SEC63: variants seen among roughly 807,000 people sequenced by gnomAD.
The protein encoded by SEC63 is SEC63 protein translocation regulator.
In SEC63, 56 loss-of-function variants were observed where a neutral mutation model predicts 116.2. The ratio of observed to expected loss-of-function variants is 0.48; its 90% CI spans 0.39 to 0.60. The LOEUF is 0.60. Ranked by LOEUF, SEC63 falls within the 20% of genes least tolerant of loss-of-function variation. The pLI, the probability that SEC63 is intolerant of heterozygous loss-of-function variation, is 0.00. For missense variants in SEC63, 668 were observed against 900.0 expected (o/e 0.74, Z 3.30); for synonymous variants, 273 against 294.6 (o/e 0.93, Z 0.75).
rs564345015 is a variant in SEC63, at chr6:107,891,538, C to T, written c.1674+1944G>A. Among the ~76,000 whole-genome samples the T allele has an allele frequency of 1.1e-3, 173 of 152,094 alleles. 1 individual carries two copies. Among genetic ancestry groups the T allele is most frequent in the Non-Finnish European group, 2.1e-3 (144 of 67,982 alleles). ...TTTAGCTTGGAGGAGTTTGTTATTA[C>T]CCACCTTCTGAAACCTGCTTCTGTC... On this transcript the variant is annotated intron_variant, in intron 16 of 20. Transcript: ENST00000369002.
intron 14 of SEC63, among the ~76,000 whole-genome samples, chr6:107,896,975 C>G (rs1417442068): frequency 6.9e-6 from 1 of 144,664 alleles, no homozygotes; most frequent in South Asian, 2.2e-4. Flanking sequence ...GGTGAAACTC[C>G]GTCAAAAAAG....
chr6:107,878,923 G>C (rs1203195670), intron 18 of SEC63, among the ~76,000 whole-genome samples: 1 of 138,420 alleles, frequency 7.2e-6, no homozygotes, highest in Admixed American at 7.5e-5. Context: ...CCTGTGCCTA[G>C]TGATGCACAT....
chr6:107,881,114 G>T, intron 18 of SEC63, 35 bp downstream of exon 18: 2 of 1,402,380 alleles, frequency 1.4e-6, no homozygotes, highest in Non-Finnish European at 2.0e-6. Flanking sequence ...GAAAGTGAAT[G>T]GAATAAGGAA....
intron 16 of SEC63, among the ~76,000 whole-genome samples, chr6:107,884,209 G>T (rs2114409081): frequency 6.7e-6 from 1 of 149,368 alleles, no homozygotes; most frequent in East Asian, 2.0e-4. Context: ...GGCGGAGGTT[G>T]CAGTGAGCCA....
chr6:107,906,775 G>A lies in SEC63; in HGVS notation c.736C>T (p.Leu246Phe). ...YKTRNMDMKR[L>F]IMVLAGASEF... ...GAAGCTCCAGCCAAAACCATGATAA[G>A]ACCTAACAAAACAAAAGAAATATGA... Residue 246 changes from leucine to phenylalanine, a missense_variant and splice_region_variant, in exon 9 of 21, where the codon CTT (leucine) becomes TTT (phenylalanine). By Grantham distance (22) the Leu-to-Phe change is conservative (BLOSUM62 0). Transcript: ENST00000369002. 3 of 1,609,980 alleles carry A rather than the reference G, an allele frequency of 1.9e-6. No homozygotes were observed. Among genetic ancestry groups the A allele is most frequent in the Non-Finnish European group, 2.6e-6 (3 of 1,176,448 alleles).
chr6:107,875,018 G>C (rs1786229172), intron 19 of SEC63, among the ~76,000 whole-genome samples: 3 of 151,878 alleles, frequency 2.0e-5, no homozygotes, highest in Admixed American at 1.3e-4. Context: ...AGAAGGTCCT[G>C]GATTTTGTTT....
intron 1 of SEC63, among the ~76,000 whole-genome samples, chr6:107,935,255 C>T (rs1583769676): frequency 6.6e-6 from 1 of 151,782 alleles, no homozygotes; most frequent in East Asian, 2.0e-4. Context: ...AAGTGAGGAG[C>T]CCCTCTGCCC....
At chr6:107,902,777 T>C (rs1787037306) in intron 12 of SEC63, 67 bp downstream of exon 12, 2 of 1,479,828 alleles carry the variant, frequency 1.4e-6, no homozygotes, top group Admixed American at 1.7e-5. Context: ...AGAAAACTTT[T>C]ATTCATGTTA....
chr6:107,949,887 C>T (rs546352074), intron 1 of SEC63, among the ~76,000 whole-genome samples: 1 of 152,328 alleles, frequency 6.6e-6, no homozygotes, highest in South Asian at 2.1e-4. Context: ...CCTCCCACCT[C>T]AGCTTCCCAA....
At chr6:107,929,732 A>T (rs563348769) in intron 1 of SEC63, among the ~76,000 whole-genome samples, 6 of 152,338 alleles carry the variant, frequency 3.9e-5, no homozygotes, top group African/African-American at 1.4e-4. Flanking sequence ...TCAACTACCA[A>T]GTGACCATTT....
chr6:107,868,308 G>C lies in SEC63; in HGVS notation c.*3396C>G, dbSNP rs1583714307. 6.6e-6 allele frequency: 1 copy of C among 152,152 alleles called. No homozygotes were observed. Among genetic ancestry groups the C allele is most frequent in the East Asian group, 1.9e-4 (1 of 5,194 alleles). The allele number at this position is 152,152 out of a possible 1,614,324, so 9.4% of individuals were successfully genotyped here. On this transcript the variant is annotated 3_prime_UTR_variant, in exon 21 of 21. Coordinates refer to ENST00000369002, the MANE Select transcript of SEC63 (RefSeq NM_007214.5). ...AAAAAAACCCAACAGGCTGGGCGCA[G>C]TGGCTCATGCCTGTAATGCCAGCAC...
chr6:107,934,093 T>G (rs1787873878), intron 1 of SEC63, among the ~76,000 whole-genome samples: 1 of 152,174 alleles, frequency 6.6e-6, no homozygotes, highest in African/African-American at 2.4e-5. Flanking sequence ...CCCAGCCGCC[T>G]GCCTTGGCCT....
At chr6:107,925,031 A>G (rs1238122615) in intron 2 of SEC63, 99 bp from the exon 3 acceptor site, 9 of 744,960 alleles carry the variant, frequency 1.2e-5, no homozygotes, top group Admixed American at 5.6e-5. Flanking sequence ...CAGTAGTACC[A>G]TATCACTATG....
At chr6:107,901,233 C>A in intron 13 of SEC63, 137 bp downstream of exon 13, 1 of 838,190 alleles carries the variant, frequency 1.2e-6, no homozygotes, top group Non-Finnish European at 2.0e-6. Context: ...GTAAATCTGA[C>A]AGGTAAACTA....
chr6:107,882,946 A>G, intron 17 of SEC63, 42 bp downstream of exon 17: 3 of 1,319,576 alleles, frequency 2.3e-6, no homozygotes, highest in Non-Finnish European at 3.3e-6. Flanking sequence ...CATCAGAGAT[A>G]TAATTCCAAT....
chr6:107,921,914 G>GGGT lies in SEC63; in HGVS notation c.340-6_340-5insACC. The GGGT allele has an allele frequency of 1.5e-6, 2 of 1,329,028 alleles. No homozygotes were observed. Among genetic ancestry groups the GGGT allele is most frequent in the Admixed American group, 2.4e-5 (1 of 42,322 alleles). The allele number at this position is 1,329,028 out of a possible 1,614,324, so 82.3% of individuals were successfully genotyped here. ...AATTTCTGCTACTGTGGCTCCCTGG[G>GGGT]GAAAAACAAAAAAAAAAAACAAGCT... On this transcript the variant is annotated splice_region_variant and splice_polypyrimidine_tract_variant and intron_variant, in intron 3 of 20. Transcript: ENST00000369002.
chr6:107,908,788 T>C (rs748013402), intron 8 of SEC63, 139 bp downstream of exon 8: 8 of 539,766 alleles, frequency 1.5e-5, no homozygotes, highest in East Asian at 6.1e-5. Flanking sequence ...CATTTTTCTC[T>C]AGCTTTAATT....
In SEC63 at chr6:107,872,789, GA is replaced by G. The variant is rs1786165435; in HGVS notation, c.2139+18del. ...TTTATACAGAAAACTCTTATTTATT[GA>G]AGAGTCACTATTCTTACCTTCAATG... On this transcript the variant is annotated intron_variant, in intron 20 of 20. Transcript: ENST00000369002. 1 of 1,315,416 alleles carries G rather than the reference GA, an allele frequency of 7.6e-7. No homozygotes were observed. The highest frequency in any genetic ancestry group is 1.8e-5 in the Admixed American group (1 of 56,078). The allele number at this position is 1,315,416 out of a possible 1,614,324, so 81.5% of individuals were successfully genotyped here.
rs1583741070 is a variant in SEC63 at position 107,901,252 on chromosome 6, C to A, written c.1357+118G>T. The A allele has an allele frequency of 8.7e-6, 9 of 1,037,548 alleles. No homozygotes were observed. The East Asian group carries it at 2.2e-4, about 25-fold the overall frequency. The allele number at this position is 1,037,548 out of a possible 1,614,324, so 64.3% of individuals were successfully genotyped here. ...ATCTGACAGGTAAACTACAGTTCTG[C>A]AAAGTCTAATAACAAGTTATGTTAT... On this transcript the variant is annotated intron_variant, in intron 13 of 20. Transcript: ENST00000369002.
Sources: gnomAD v4.1 joint callset for allele counts (sites outside exome capture counted in the v4.1 genomes callset) on GRCh38, gnomAD v4.1.1 for gene constraint, MANE v1.5 for transcripts, NCBI Gene and HGNC (gene_info 2026-07-23, HGNC 2026-07-21) for gene names.